Variants in FBXO31 observed in about 807,000 individuals in gnomAD.
FBXO31 encodes F-box protein 31.
Under a neutral mutation model 54.4 loss-of-function variants are expected in FBXO31, and 24 were observed. That is an observed-to-expected ratio of 0.44 (90% CI 0.32 to 0.62). The LOEUF is 0.62. Ranked by LOEUF, FBXO31 falls within the 20% of genes least tolerant of loss-of-function variation. The pLI is 0.05. For synonymous variants in FBXO31, 388 were observed against 335.6 expected, an observed-to-expected ratio of 1.16 and a Z score of -1.71; for missense variants, 665 against 787.1, an observed-to-expected ratio of 0.84 and a Z score of 1.86.
rs1905389899 is a variant in FBXO31, at chr16:87,346,428, C to G, written c.489+746G>C. On this transcript the variant is annotated intron_variant, in intron 3 of 8. Coordinates refer to ENST00000311635, the MANE Select transcript of FBXO31 (RefSeq NM_024735.5). The surrounding 1 kb of genome is among the most constrained non-coding windows in gnomAD (Gnocchi z 4.2). ...AAAAGATTAACAAAGAGAAGGAAAA[C>G]TTCACCGAAAAACGGGAATTTAATA... Among the ~76,000 whole-genome samples the G allele has an allele frequency of 6.6e-6, 1 of 152,216 alleles. No individual in the cohort carries two copies.
intron 2 of FBXO31, among the ~76,000 whole-genome samples, chr16:87,351,407 G>C (rs924487634): frequency 1.1e-4 from 17 of 151,324 alleles, no homozygotes; most frequent in South Asian, 4.2e-4. Flanking sequence ...GGGCTCTGGT[G>C]GCGGGGGAAA....
intron 8 of FBXO31, among the ~76,000 whole-genome samples, chr16:87,332,702 GCCTGTGGC>G (rs1904906020): frequency 1.2e-5 from 1 of 84,282 alleles, no homozygotes. Flanking sequence ...CGGGAGCTGG[GCCTGTGGC>G]ACCCTTCCCC....
intron 8 of FBXO31, 87 bp downstream of exon 8, chr16:87,333,799 C>T: frequency 6.6e-7 from 1 of 1,504,572 alleles, no homozygotes; most frequent in Non-Finnish European, 8.9e-7. Flanking sequence ...CACAGGCCCT[C>T]TCCGCCTGTG....
At chr16:87,360,437 G>A in intron 1 of FBXO31, 71 bp from the exon 2 acceptor site, 1 of 1,383,970 alleles carries the variant, frequency 7.2e-7, no homozygotes, top group Non-Finnish European at 1.0e-6. Flanking sequence ...GCAGGCTGCT[G>A]ATGGCTGGCA....
At chr16:87,339,780 A>G (rs886784820) in intron 5 of FBXO31, among the ~76,000 whole-genome samples, 5 of 152,242 alleles carry the variant, frequency 3.3e-5, no homozygotes, top group African/African-American at 1.2e-4. Context: ...TAGAGTTCAC[A>G]CAGCAAATAA....
rs1281460560 is a variant in FBXO31 at position 87,383,101 on chromosome 16, G to A, written c.340+304C>T. ...CTCCCGGCACGGCCTCGGCCCCGTG[G>A]TGTCCCGTGCCCCGCGTCAGGGCCT... On this transcript the variant is annotated intron_variant, in intron 1 of 8. Coordinates refer to ENST00000311635, the MANE Select transcript of FBXO31 (RefSeq NM_024735.5). The surrounding 1 kb of genome is among the most constrained non-coding windows in gnomAD (Gnocchi z 4.9). 1.3e-5 allele frequency among the ~76,000 whole-genome samples: 2 copies of A among 152,006 alleles called. No homozygotes were observed. Among genetic ancestry groups the A allele is most frequent in the Non-Finnish European group, 2.9e-5 (2 of 67,976 alleles).
At chr16:87,389,184 G>A (rs924869571) in intron 1 of FBXO31, among the ~76,000 whole-genome samples, 3 of 151,868 alleles carry the variant, frequency 2.0e-5, no homozygotes, top group Admixed American at 6.6e-5. Context: ...TTAACTAAAT[G>A]TGTTATTCTT....
intron 1 of FBXO31, among the ~76,000 whole-genome samples, chr16:87,379,041 C>A (rs1192558497): frequency 6.6e-6 from 1 of 151,846 alleles, no homozygotes; most frequent in Admixed American, 6.6e-5. Flanking sequence ...GAGTTCACTG[C>A]CACACTGCAC....
At chr16:87,331,533 CTG>C (rs1567612003) in intron 8 of FBXO31, 23 bp from the exon 9 acceptor site, 1 of 1,572,838 alleles carries the variant, frequency 6.4e-7, no homozygotes, top group Non-Finnish European at 8.7e-7. Context: ...AAGAGGGAAA[CTG>C]TGAGCTGGGG....
chr16:87,355,627 A>G (rs1905858069), intron 2 of FBXO31, among the ~76,000 whole-genome samples: 1 of 152,208 alleles, frequency 6.6e-6, no homozygotes, highest in Admixed American at 6.5e-5. Context: ...ACGACACTCA[A>G]ACTTCAGCAT....
intron 1 of FBXO31, among the ~76,000 whole-genome samples, chr16:87,363,110 C>A (rs570883299): frequency 3.3e-5 from 5 of 151,256 alleles, no homozygotes; most frequent in African/African-American, 1.2e-4. Context: ...AAAAGCCGGG[C>A]GCGGTGGCTC....
At chr16:87,377,054 G>A (rs939889116) in intron 1 of FBXO31, among the ~76,000 whole-genome samples, 4 of 152,338 alleles carry the variant, frequency 2.6e-5, no homozygotes, top group South Asian at 2.1e-4. Context: ...CAATGAACTC[G>A]TGAAACTGAA....
intron 1 of FBXO31, among the ~76,000 whole-genome samples, chr16:87,365,252 CAGG>C (rs1341466914): frequency 6.6e-6 from 1 of 151,296 alleles, no homozygotes; most frequent in Non-Finnish European, 1.5e-5. Flanking sequence ...GGCTCCTGAG[CAGG>C]GGCAGCGAGC....
chr16:87,347,470 G>C (rs1225238852), intron 2 of FBXO31, among the ~76,000 whole-genome samples: 1 of 152,134 alleles, frequency 6.6e-6, no homozygotes, highest in Non-Finnish European at 1.5e-5. Context: ...TACAAGGTCA[G>C]GAGATTCAGA....
At chr16:87,377,594 G>C (rs1906879299) in intron 1 of FBXO31, among the ~76,000 whole-genome samples, 1 of 152,174 alleles carries the variant, frequency 6.6e-6, no homozygotes. Context: ...AGGAGGCCAA[G>C]GTGGGCAGAT....
In FBXO31 at chr16:87,346,314, C is replaced by T. The variant is rs1192980052; in HGVS notation, c.489+860G>A. On this transcript the variant is annotated intron_variant, in intron 3 of 8. Transcript: ENST00000311635. This position sits in a 1 kb window ranked among gnomAD's most constrained non-coding sequence, Gnocchi z 4.2. Reference sequence around the variant, plus strand: ...GGCACCCAGCAAGTGCCCAGGCGCACAGTGAGGGGTGGGGGGCATCCAACA... The same window carrying T: ...GGCACCCAGCAAGTGCCCAGGCGCATAGTGAGGGGTGGGGGGCATCCAACA... Among the ~76,000 whole-genome samples, 3 of 150,316 alleles carry T rather than the reference C, an allele frequency of 2.0e-5. No homozygotes were observed. The highest frequency in any genetic ancestry group is 4.4e-5 in the Non-Finnish European group (3 of 67,588).
chr16:87,340,048 C>A (rs532214274), intron 5 of FBXO31, among the ~76,000 whole-genome samples: 1 of 152,286 alleles, frequency 6.6e-6, no homozygotes, highest in Admixed American at 6.5e-5. Flanking sequence ...TTTGGGAGGC[C>A]GAGGTGGGCG....
chr16:87,365,378 T>C (rs1247239961), intron 1 of FBXO31, among the ~76,000 whole-genome samples: 2 of 152,124 alleles, frequency 1.3e-5, no homozygotes, highest in Non-Finnish European at 2.9e-5. Context: ...CTACACACAA[T>C]TGTAAACAAT....
At chr16:87,359,550 T>G (rs1906043136) in intron 2 of FBXO31, among the ~76,000 whole-genome samples, 1 of 152,144 alleles carries the variant, frequency 6.6e-6, no homozygotes, top group Non-Finnish European at 1.5e-5. Context: ...CCAAATGGCC[T>G]AAGAAACTCA....
Sources: gnomAD v4.1 joint callset for allele counts (sites outside exome capture counted in the v4.1 genomes callset) on GRCh38, gnomAD v4.1.1 for gene constraint, Gnocchi (gnomAD v3.1) non-coding constraint, MANE v1.5 for transcripts, NCBI Gene and HGNC (gene_info 2026-07-23, HGNC 2026-07-21) for gene names.